LAMB3: variants seen among roughly 807,000 people sequenced by gnomAD.
LAMB3 encodes laminin subunit beta 3.
Under a neutral mutation model 140.3 loss-of-function variants are expected in LAMB3, and 104 were observed. The observed-to-expected ratio is 0.74, with a 90% confidence interval of 0.63 to 0.87. LAMB3 has a LOEUF of 0.87. Among genes scored for constraint, LAMB3 ranks in the 40% least tolerant of loss-of-function variants. LAMB3 has a pLI of 0.00. For missense variants in LAMB3, 1,531 were observed against 1,575.2 expected (o/e 0.97, Z 0.47); for synonymous variants, 592 against 602.9 (o/e 0.98, Z 0.26).
At chr1:209,646,708 A>G (rs1439435825) in intron 3 of LAMB3, among the ~76,000 whole-genome samples, 3 of 152,262 alleles carry the variant, frequency 2.0e-5, no homozygotes, top group Admixed American at 2.0e-4. Context: ...CAGCCTCTGC[A>G]TGTGGATGCA....
intron 3 of LAMB3, among the ~76,000 whole-genome samples, chr1:209,646,290 G>C (rs1437557029): frequency 6.6e-6 from 1 of 152,226 alleles, no homozygotes; most frequent in Admixed American, 6.5e-5. Flanking sequence ...CACGCCCTGA[G>C]AGAGGACAGT....
In LAMB3 at chr1:209,645,021, C is replaced by A. The variant is rs574707440; in HGVS notation, c.183+4943G>T. Among the ~76,000 whole-genome samples the A allele has an allele frequency of 3.9e-5, 6 of 152,292 alleles. No homozygotes were observed. In the South Asian group the frequency reaches 6.2e-4, roughly 16 times the overall value. On this transcript the variant is annotated intron_variant, in intron 3 of 22. Transcript: ENST00000356082. ...GAGGCCATCCAGGTTTGTCTTCGGG[C>A]CTTCCCATTTCACATTTCTCCTCTC...
chr1:209,621,661 C>A (rs1666200159), intron 18 of LAMB3, among the ~76,000 whole-genome samples: 1 of 152,208 alleles, frequency 6.6e-6, no homozygotes, highest in African/African-American at 2.4e-5. Context: ...ATACTACCGT[C>A]CCCATTTATA....
At chr1:209,624,142 T>C in intron 14 of LAMB3, 142 bp from the exon 15 acceptor site, 1 of 702,520 alleles carries the variant, frequency 1.4e-6, no homozygotes, top group Non-Finnish European at 2.3e-6. Flanking sequence ...ATCCACAGGC[T>C]AAGGGGGTTC....
rs2102405002 is a variant in LAMB3 at position 209,617,515 on chromosome 1, T to C, written c.3123A>G (p.Thr1041=). Residue 1041 remains threonine (T), a synonymous_variant, in exon 21 of 23, where the codon ACA becomes ACG. Transcript: ENST00000356082. The stretch of plus-strand genomic sequence containing the variant: ...CTTGGTGGCGGAGCTCCTCCATCCG[T>C]GTCCAGAAGTCACCCAGCTGCTTGG... ...SMTKQLGDFW[T]RMEELRHQAR... is the part of the protein sequence containing the mutation. 1.2e-6 allele frequency: 2 copies of C among 1,614,112 alleles called. No homozygotes were observed. The highest frequency in any genetic ancestry group is 1.7e-4 in the Middle Eastern group (1 of 6,020).
In LAMB3 at chr1:209,618,103, A is replaced by G. The variant is rs1331176012; in HGVS notation, c.2910-55T>C. Reference sequence around the variant, plus strand: ...AGAGAGAATGAGTGAACAGTGAATCAATGTGTGGTTCGACTCACACACCAG... The same window carrying G: ...AGAGAGAATGAGTGAACAGTGAATCGATGTGTGGTTCGACTCACACACCAG... On this transcript the variant is annotated intron_variant, in intron 19 of 22. Transcript: ENST00000356082. 52 of 1,608,350 alleles carry G rather than the reference A, an allele frequency of 3.2e-5. 1 individual carries two copies. In the South Asian group the frequency reaches 4.8e-4, roughly 15 times the overall value.
intron 3 of LAMB3, among the ~76,000 whole-genome samples, chr1:209,641,543 T>G (rs539032598): frequency 9.9e-4 from 151 of 152,188 alleles, no homozygotes; most frequent in African/African-American, 3.2e-3. Flanking sequence ...ACTAGCTGAG[T>G]GGCAAAGATG....
chr1:209,632,710 T>C lies in LAMB3; in HGVS notation c.695A>G (p.Tyr232Cys). ...AGCATAGTAGGCGCTGGGAGGGTGG[T>C]AGCCCCTTTGGGGCACAGGGGCCAG... ...TRLAPVPQRG[Y>C]HPPSAYYAVS... Residue 232 changes from tyrosine (Y) to cysteine (C), a missense_variant, in exon 8 of 23, where the codon TAC (tyrosine) becomes TGC (cysteine). Physicochemically the swap from Tyr to Cys is radical, Grantham distance 194. Coordinates refer to ENST00000356082, the MANE Select transcript of LAMB3 (RefSeq NM_000228.3). The C allele has an allele frequency of 1.2e-6, 2 of 1,614,168 alleles. No individual in the cohort carries two copies. The highest frequency in any genetic ancestry group is 1.7e-6 in the Non-Finnish European group (2 of 1,180,006).
intron 17 of LAMB3, 140 bp from the exon 18 acceptor site, chr1:209,622,820 C>T (rs1558150517): frequency 7.4e-7 from 1 of 1,359,324 alleles, no homozygotes. Flanking sequence ...TGTGGATGTT[C>T]AGTAAAAGAG....
At chr1:209,627,283 G>T (rs1364444248) in intron 12 of LAMB3, 100 bp downstream of exon 12, 2 of 974,844 alleles carry the variant, frequency 2.1e-6, no homozygotes, top group Non-Finnish European at 3.1e-6. Context: ...AGTCTGACAG[G>T]GGAGAGGCCT....
chr1:209,639,611 A>G (rs2076446242), intron 3 of LAMB3, among the ~76,000 whole-genome samples: 1 of 67,846 alleles, frequency 1.5e-5, no homozygotes, highest in South Asian at 7.6e-4. Flanking sequence ...GCCTATGTGC[A>G]TACATATACA....
In LAMB3 at chr1:209,645,760, G is replaced by A. The variant is rs560371132; in HGVS notation, c.183+4204C>T. 9.3e-5 allele frequency among the ~76,000 whole-genome samples: 14 copies of A among 150,852 alleles called. 1 individual carries two copies. Among genetic ancestry groups the A allele is most frequent in the African/African-American group, 2.4e-4 (10 of 40,978 alleles). On this transcript the variant is annotated intron_variant, in intron 3 of 22. Transcript: ENST00000356082. Reference sequence around the variant, plus strand: ...AAAAGCAGATATTTTGGTCAGAGGCGGGCTCAAAATCCCTTGTGGGTTGAG... The same window carrying A: ...AAAAGCAGATATTTTGGTCAGAGGCAGGCTCAAAATCCCTTGTGGGTTGAG...
intron 3 of LAMB3, among the ~76,000 whole-genome samples, chr1:209,642,378 C>T (rs1265373423): frequency 2.0e-5 from 3 of 152,174 alleles, no homozygotes; most frequent in African/African-American, 7.2e-5. Flanking sequence ...AAAATGGCAA[C>T]TGCATACAGT....
intron 1 of LAMB3, 57 bp from the exon 2 acceptor site, chr1:209,651,038 C>G: frequency 8.8e-7 from 1 of 1,136,794 alleles, no homozygotes; most frequent in Non-Finnish European, 1.3e-6. Context: ...AGCACACTAG[C>G]CCTTTTTCTT....
intron 18 of LAMB3, among the ~76,000 whole-genome samples, chr1:209,619,296 T>G (rs754546875): frequency 6.6e-6 from 1 of 152,206 alleles, no homozygotes; most frequent in Non-Finnish European, 1.5e-5. Flanking sequence ...CTCATTTAAC[T>G]GGTTTGTTTG....
intron 14 of LAMB3, among the ~76,000 whole-genome samples, chr1:209,624,654 G>C (rs1219140693): frequency 6.6e-6 from 1 of 152,166 alleles, no homozygotes; most frequent in Non-Finnish European, 1.5e-5. Flanking sequence ...CTGGTGGACT[G>C]ACTGCCCGAA....
At chr1:209,628,002 C>T (rs1448337448) in intron 11 of LAMB3, 33 bp downstream of exon 11, 2 of 1,575,458 alleles carry the variant, frequency 1.3e-6, no homozygotes, top group Non-Finnish European at 1.7e-6. Context: ...TGCAGCCCAC[C>T]CCACGTCATG....
chr1:209,619,527 A>G (rs1160367324), intron 18 of LAMB3, among the ~76,000 whole-genome samples: 1 of 152,240 alleles, frequency 6.6e-6, no homozygotes, highest in Non-Finnish European at 1.5e-5. Flanking sequence ...TGATCGGTGA[A>G]AAAGGAATAT....
At chr1:209,631,061 C>G (rs548708528) in intron 8 of LAMB3, among the ~76,000 whole-genome samples, 1 of 152,326 alleles carries the variant, frequency 6.6e-6, no homozygotes, top group East Asian at 1.9e-4. Context: ...TGCTCAGACA[C>G]CCTTGGCAAA....
Sources: gnomAD v4.1 joint callset for allele counts (sites outside exome capture counted in the v4.1 genomes callset) on GRCh38, gnomAD v4.1.1 for gene constraint, MANE v1.5 for transcripts, NCBI Gene and HGNC (gene_info 2026-07-23, HGNC 2026-07-21) for gene names.